The following QTMAN variants were observed in gnomAD, a reference collection of about 807,000 sequenced individuals.
QTMAN encodes queuosine-tRNA mannosyltransferase, also known as tRNA-queuosine alpha-mannosyltransferase.
At chr2:144,287,417 C>T in the QTMAN span, among the ~76,000 whole-genome samples, 4 of 142,376 alleles carry the variant, frequency 2.8e-5, no homozygotes, top group African/African-American at 1.1e-4. Flanking sequence ...CCAGCCTGGG[C>T]GACAGAGCAA....
the QTMAN span, among the ~76,000 whole-genome samples, chr2:144,226,545 T>C: frequency 1.3e-5 from 2 of 152,172 alleles, no homozygotes; most frequent in Admixed American, 6.5e-5. Flanking sequence ...CTAGTACTGC[T>C]TTTGAATATT....
the QTMAN span, among the ~76,000 whole-genome samples, chr2:144,065,557 T>C: frequency 1.3e-5 from 2 of 152,208 alleles, no homozygotes; most frequent in African/African-American, 2.4e-5. Context: ...TAAGTTCTAG[T>C]AGCCACTCCT....
At chr2:144,276,869 T>G in the QTMAN span, among the ~76,000 whole-genome samples, 1 of 152,176 alleles carries the variant, frequency 6.6e-6, no homozygotes, top group Non-Finnish European at 1.5e-5. Flanking sequence ...GTTCATACAC[T>G]TACAGAACTT....
the QTMAN span, among the ~76,000 whole-genome samples, chr2:144,081,311 C>T: frequency 1.3e-5 from 2 of 152,098 alleles, no homozygotes; most frequent in Non-Finnish European, 2.9e-5. Context: ...GGTGGGGAAA[C>T]AAAGCTTTTT....
the QTMAN span, among the ~76,000 whole-genome samples, chr2:144,140,189 A>T: frequency 6.6e-6 from 1 of 152,046 alleles, no homozygotes; most frequent in Non-Finnish European, 1.5e-5. Flanking sequence ...TATCTTGGCC[A>T]CAATATTTCT....
At chr2:144,123,447 G>A in the QTMAN span, among the ~76,000 whole-genome samples, 2 of 152,058 alleles carry the variant, frequency 1.3e-5, no homozygotes, top group Non-Finnish European at 2.9e-5. Flanking sequence ...GACCACAGGT[G>A]TAAACTTGAG....
chr2:144,157,479 A>G, the QTMAN span, among the ~76,000 whole-genome samples: 1 of 152,138 alleles, frequency 6.6e-6, no homozygotes, highest in African/African-American at 2.4e-5. Context: ...TGTACATAAC[A>G]ATGGTCTAGA....
chr2:144,332,912 T>C, the QTMAN span, among the ~76,000 whole-genome samples: 6 of 152,328 alleles, frequency 3.9e-5, no homozygotes, highest in East Asian at 9.7e-4. Context: ...GTGCTGTTCA[T>C]TAGGTCGACC....
chr2:144,137,274 C>T, the QTMAN span, among the ~76,000 whole-genome samples: 48 of 152,242 alleles, frequency 3.2e-4, no homozygotes, highest in Non-Finnish European at 6.2e-4. Context: ...TCACAGTCAT[C>T]CTTTTGATGT....
chr2:144,254,634 C>T, the QTMAN span, among the ~76,000 whole-genome samples: 17 of 152,130 alleles, frequency 1.1e-4, no homozygotes, highest in Admixed American at 2.6e-4. Flanking sequence ...CCTAGTGGAG[C>T]TGTAAGAAGA....
At chr2:144,149,050 G>T in the QTMAN span, among the ~76,000 whole-genome samples, 12 of 151,816 alleles carry the variant, frequency 7.9e-5, no homozygotes, top group Admixed American at 5.3e-4. Context: ...AGGAATGCAG[G>T]TGATCCATAG....
chr2:144,306,626 T>C, the QTMAN span, among the ~76,000 whole-genome samples: 6 of 152,066 alleles, frequency 3.9e-5, no homozygotes, highest in African/African-American at 1.2e-4. Flanking sequence ...CCTAAAAATT[T>C]TGAGGGAACA....
the QTMAN span, among the ~76,000 whole-genome samples, chr2:144,257,087 G>GAAAAAAAAAAA: frequency 1.6e-5 from 2 of 128,698 alleles, no homozygotes; most frequent in Non-Finnish European, 3.2e-5. Flanking sequence ...GAAACAAACT[G>GAAAAAAAAAAA]AAAAAAAAAA....
At chr2:144,060,869 T>C in the QTMAN span, among the ~76,000 whole-genome samples, 1 of 152,192 alleles carries the variant, frequency 6.6e-6, no homozygotes, top group South Asian at 2.1e-4. Context: ...TTTATAAACA[T>C]AAAGCCTACT....
At chr2:144,140,869 T>A in the QTMAN span, among the ~76,000 whole-genome samples, 1 of 152,070 alleles carries the variant, frequency 6.6e-6, no homozygotes, top group Non-Finnish European at 1.5e-5. Flanking sequence ...AATTTTATGA[T>A]TCACTAACTT....
chr2:144,154,128 TAAGTGGTACAAAGAAGAACTATACAA>T, the QTMAN span, among the ~76,000 whole-genome samples: 1 of 152,194 alleles, frequency 6.6e-6, no homozygotes, highest in Non-Finnish European at 1.5e-5. Context: ...TAAAAGAATA[TAAGTGGTACAAAGAAGAACTATACAA>T]AAGTGAATAG....
chr2:144,051,136 T>G, the QTMAN span, among the ~76,000 whole-genome samples: 1 of 152,194 alleles, frequency 6.6e-6, no homozygotes, highest in African/African-American at 2.4e-5. Context: ...GTTATTGCTC[T>G]TATTATTTTA....
chr2:144,254,772 CA>C, the QTMAN span, among the ~76,000 whole-genome samples: 3 of 152,230 alleles, frequency 2.0e-5, no homozygotes, highest in Admixed American at 6.5e-5. Flanking sequence ...CTGTACCCTG[CA>C]AAGCCACAGG....
At chr2:144,244,072 C>A in the QTMAN span, among the ~76,000 whole-genome samples, 361 of 152,274 alleles carry the variant, frequency 2.4e-3, 2 homozygotes, top group South Asian at 0.013. Context: ...AGTTAACAGT[C>A]AAAGTAATTC....
Sources: allele counts gnomAD v4.1 joint callset (sites outside exome capture counted in the v4.1 genomes callset), GRCh38; gene constraint gnomAD v4.1.1; transcripts MANE v1.5; gene names NCBI Gene and HGNC (gene_info 2026-07-23, HGNC 2026-07-21).